UBE2D3: variants seen among roughly 807,000 people sequenced by gnomAD.
UBE2D3 encodes the protein ubiquitin-conjugating enzyme E2 D3.
A neutral mutation model predicts 22.8 loss-of-function variants in UBE2D3; 2 were observed. The ratio of observed to expected loss-of-function variants is 0.09; its 90% CI spans 0.04 to 0.28. The LOEUF is 0.28. UBE2D3 is among the 10% of genes least tolerant of loss of function. UBE2D3 has a pLI of 1.00. For missense variants in UBE2D3, 27 were observed against 182.5 expected, an observed-to-expected ratio of 0.15 and a Z score of 4.91; for synonymous variants, 56 against 60.4, an observed-to-expected ratio of 0.93 and a Z score of 0.34.
At position 102,833,013 on chromosome 4, in the gene UBE2D3, ATG is replaced by A. The variant is rs1560880601; in HGVS notation, c.-128-6379_-128-6378del. ...CCCTGTCTCTCAAAAAAAAAAAAAA[ATG>A]TTTATAGAAAAACAAAATATGATAT... On this transcript the variant is annotated intron_variant, in intron 1 of 7. Transcript: ENST00000338145. 3.3e-5 allele frequency among the ~76,000 whole-genome samples: 5 copies of A among 151,050 alleles called. 1 individual carries two copies. Among genetic ancestry groups the A allele is most frequent in the Non-Finnish European group, 1.5e-5 (1 of 67,738 alleles).
chr4:102,827,499 C>G lies in UBE2D3; in HGVS notation c.-201G>C. ...CGCGGCAGCTGGTGCCTCCCCGGCC[C>G]TACGGGGCTCACGCGCACGACACAG... On this transcript the variant is annotated 5_prime_UTR_variant, in exon 1 of 8. Coordinates refer to ENST00000453744, the MANE Select transcript of UBE2D3 (RefSeq NM_181891.3). 1 of 986,250 alleles carries G rather than the reference C, an allele frequency of 1.0e-6. No homozygotes were observed. The highest frequency in any genetic ancestry group is 4.7e-5 in the South Asian group (1 of 21,350). 61.1% of individuals were successfully genotyped at this position (986,250 alleles called of 1,614,324 possible). A position where few individuals can be genotyped will look rare whatever the true frequency, so the allele number is the denominator to read the frequency against.
At chr4:102,835,678 T>C (rs1731353853) in intron 1 of UBE2D3, among the ~76,000 whole-genome samples, 1 of 152,236 alleles carries the variant, frequency 6.6e-6, no homozygotes. Context: ...CTCTACCAGT[T>C]AGACCACAGC....
Position 102,797,315 on chromosome 4 carries a change from G to A in UBE2D3, c.*100C>T. 1.0e-6 allele frequency: 1 copy of A among 999,420 alleles called. No individual in the cohort carries two copies. Among genetic ancestry groups the A allele is most frequent in the South Asian group, 1.6e-5 (1 of 64,214 alleles). 61.9% of individuals were successfully genotyped at this position (999,420 alleles called of 1,614,324 possible). A position where few individuals can be genotyped will look rare whatever the true frequency, so the allele number is the denominator to read the frequency against. On this transcript the variant is annotated 3_prime_UTR_variant, in exon 8 of 8. Coordinates refer to ENST00000453744, the MANE Select transcript of UBE2D3 (RefSeq NM_181891.3). ...CAAAAAATAAAATTAAAAAAGATGAGGTCTGATAGGGGAGCAGCCGGATAA... is the reference window on the plus strand; with the variant it reads ...CAAAAAATAAAATTAAAAAAGATGAAGTCTGATAGGGGAGCAGCCGGATAA...
chr4:102,840,890 G>C (rs1003646193), intron 1 of UBE2D3, among the ~76,000 whole-genome samples: 46 of 151,962 alleles, frequency 3.0e-4, no homozygotes, highest in African/African-American at 1.1e-3. Context: ...GGTGGCAGGC[G>C]CCTGTAGTCC....
intron 5 of UBE2D3, 172 bp downstream of exon 5, chr4:102,802,389 G>C: frequency 2.3e-6 from 1 of 425,822 alleles, no homozygotes; most frequent in Non-Finnish European, 4.2e-6. Flanking sequence ...TATTTACAAA[G>C]CTCAAACTGA....
chr4:102,807,283 G>A (rs1358300062), intron 4 of UBE2D3, among the ~76,000 whole-genome samples: 3 of 152,136 alleles, frequency 2.0e-5, no homozygotes, highest in African/African-American at 4.8e-5. Context: ...GTGATGCTTT[G>A]TCACAAAGAA....
intron 7 of UBE2D3, chr4:102,798,797 T>C (rs1725649125): frequency 1.4e-6 from 1 of 729,474 alleles, no homozygotes; most frequent in Non-Finnish European, 2.2e-6. Context: ...GACCAAGCAG[T>C]TAAATGTACA....
intron 1 of UBE2D3, among the ~76,000 whole-genome samples, chr4:102,848,160 G>A (rs1437057064): frequency 1.3e-5 from 2 of 152,166 alleles, no homozygotes; most frequent in East Asian, 1.9e-4. Flanking sequence ...GGTTATCATG[G>A]TGATACACTC....
chr4:102,809,990 C>G, intron 2 of UBE2D3, 135 bp from the exon 3 acceptor site: 1 of 831,150 alleles, frequency 1.2e-6, no homozygotes, highest in Non-Finnish European at 2.0e-6. Flanking sequence ...ATAATATATT[C>G]CATTAGGAGA....
rs1254343909 is a variant in UBE2D3 at position 102,796,651 on chromosome 4, C to T, written c.*764G>A. ...ATTACTAGCAGAGCTATTAGTTGAT[C>T]ACTCATCCATTGACAACTTGCATCA... On this transcript the variant is annotated 3_prime_UTR_variant, in exon 8 of 8. Coordinates refer to ENST00000453744, the MANE Select transcript of UBE2D3 (RefSeq NM_181891.3). 1 of 152,414 alleles carries T rather than the reference C, an allele frequency of 6.6e-6. No homozygotes were observed. Among genetic ancestry groups the T allele is most frequent in the Non-Finnish European group, 1.5e-5 (1 of 67,888 alleles). The allele number at this position is 152,414 out of a possible 1,614,324, so 9.4% of individuals were successfully genotyped here.
chr4:102,840,181 A>G (rs1395181643), intron 1 of UBE2D3, among the ~76,000 whole-genome samples: 2 of 152,212 alleles, frequency 1.3e-5, no homozygotes, highest in Non-Finnish European at 2.9e-5. Context: ...TACAGCCTCT[A>G]TGGAAACACA....
rs563156068 is a variant in UBE2D3, at chr4:102,864,351, A to G, written c.-129+4364T>C. Among the ~76,000 whole-genome samples the G allele has an allele frequency of 1.7e-3, 263 of 152,372 alleles. 3 individuals carry two copies. The highest frequency in any genetic ancestry group is 3.1e-3 in the Non-Finnish European group (211 of 68,018). Reference sequence around the variant, plus strand: ...GACCAAATAAAAAATTGGCAAACCTATCTTGACTTCCCAATTTATCCAGGA... The same window carrying G: ...GACCAAATAAAAAATTGGCAAACCTGTCTTGACTTCCCAATTTATCCAGGA... On this transcript the variant is annotated intron_variant, in intron 1 of 7. Transcript: ENST00000338145.
chr4:102,797,477 T>C lies in UBE2D3; in HGVS notation c.399-17A>G. On this transcript the variant is annotated splice_polypyrimidine_tract_variant and intron_variant, in intron 7 of 7. Transcript: ENST00000453744. ...CTGTTGTACCTGTAAATAAAGATGTTATTTTTAAAAGTTAAAATAAAGAAT... is the reference window on the plus strand; with the variant it reads ...CTGTTGTACCTGTAAATAAAGATGTCATTTTTAAAAGTTAAAATAAAGAAT... The C allele has an allele frequency of 1.9e-6, 3 of 1,587,326 alleles. No homozygotes were observed. The highest frequency in any genetic ancestry group is 1.8e-5 in the Admixed American group (1 of 56,350).
intron 2 of UBE2D3, among the ~76,000 whole-genome samples, chr4:102,818,412 T>C (rs1205393506): frequency 2.0e-5 from 3 of 152,182 alleles, no homozygotes; most frequent in Non-Finnish European, 4.4e-5. Flanking sequence ...AAAATACTTG[T>C]ATTTAAAAGC....
chr4:102,795,364 T>C lies in UBE2D3; in HGVS notation c.*2051A>G, dbSNP rs1725168526. ...TGATATGCCTACTAAAGCTGTTATT[T>C]TGAGACTATATGCATCTCAGAAGTA... On this transcript the variant is annotated 3_prime_UTR_variant, in exon 8 of 8. Coordinates refer to ENST00000453744, the MANE Select transcript of UBE2D3 (RefSeq NM_181891.3). 6.6e-6 allele frequency: 1 copy of C among 152,110 alleles called. No homozygotes were observed. Among genetic ancestry groups the C allele is most frequent in the African/African-American group, 2.4e-5 (1 of 41,454 alleles). 9.4% of individuals were successfully genotyped at this position (152,110 alleles called of 1,614,324 possible). A position where few individuals can be genotyped will look rare whatever the true frequency, so the allele number is the denominator to read the frequency against.
In UBE2D3 at chr4:102,797,077, G is replaced by C. The variant is rs1477395612; in HGVS notation, c.*338C>G. On this transcript the variant is annotated 3_prime_UTR_variant, in exon 8 of 8. Coordinates refer to ENST00000453744, the MANE Select transcript of UBE2D3 (RefSeq NM_181891.3). Reference sequence around the variant, plus strand: ...CTCAGATGATTTCTTCAGCATGTTAGAGCAGTGAGGAATGGTTTTAGTCTC... The same window carrying C: ...CTCAGATGATTTCTTCAGCATGTTACAGCAGTGAGGAATGGTTTTAGTCTC... 1.0e-5 allele frequency: 2 copies of C among 196,018 alleles called. No homozygotes were observed. Among genetic ancestry groups the C allele is most frequent in the African/African-American group, 4.7e-5 (2 of 42,856 alleles). The allele number at this position is 196,018 out of a possible 1,614,324, so 12.1% of individuals were successfully genotyped here.
rs759978655 is a variant in UBE2D3 at position 102,826,439 on chromosome 4, C to G, written c.24+46G>C. ...CCCCACGCTTTCCTCTTGGCCCGAGCCTTCCTTTTCTCCTACCACCCCATG... is the reference window on the plus strand; with the variant it reads ...CCCCACGCTTTCCTCTTGGCCCGAGGCTTCCTTTTCTCCTACCACCCCATG... On this transcript the variant is annotated intron_variant, in intron 2 of 7. Coordinates refer to ENST00000453744, the MANE Select transcript of UBE2D3 (RefSeq NM_181891.3). The G allele has an allele frequency of 6.2e-6, 10 of 1,612,100 alleles. No homozygotes were observed. The East Asian group carries it at 1.3e-4, about 22-fold the overall frequency.
chr4:102,827,068 G>T (rs537138605), intron 1 of UBE2D3: 93 of 989,602 alleles, frequency 9.4e-5, no homozygotes, highest in East Asian at 1.1e-4. Flanking sequence ...GAAAAGGAAG[G>T]AAATAAAGGA....
chr4:102,808,484 ATTAAAC>A (rs777986659), intron 4 of UBE2D3, among the ~76,000 whole-genome samples: 122 of 152,334 alleles, frequency 8.0e-4, no homozygotes, highest in Non-Finnish European at 1.3e-3. Flanking sequence ...GTTTCAAAGT[ATTAAAC>A]TTAATATTTG....
Sources: gnomAD v4.1 joint callset for allele counts (sites outside exome capture counted in the v4.1 genomes callset) on GRCh38, gnomAD v4.1.1 for gene constraint, MANE v1.5 for transcripts, NCBI Gene and HGNC (gene_info 2026-07-23, HGNC 2026-07-21) for gene names.